The following TNFSF10 variants were observed in gnomAD, a reference collection of about 807,000 sequenced individuals.
TNFSF10 encodes tumor necrosis factor ligand superfamily member 10.
A neutral mutation model predicts 29.5 loss-of-function variants in TNFSF10; 13 were observed. That is an observed-to-expected ratio of 0.44 (90% CI 0.29 to 0.70). The LOEUF (loss-of-function observed/expected upper bound fraction) is 0.70. Among genes scored for constraint, TNFSF10 ranks in the 30% least tolerant of loss-of-function variants. The pLI is 0.13. For synonymous variants in TNFSF10, 111 were observed against 112.8 expected (o/e 0.98, Z 0.10); for missense variants, 345 against 330.9 (o/e 1.04, Z -0.33).
chr3:172,515,487 A>G (rs890817507), intron 1 of TNFSF10, among the ~76,000 whole-genome samples: 1 of 152,196 alleles, frequency 6.6e-6, no homozygotes, highest in African/African-American at 2.4e-5. Context: ...GGAGGGGGTC[A>G]TGTTCTGTTT....
chr3:172,505,512 A>G lies in TNFSF10; in HGVS notation c.*980T>C, dbSNP rs1712940711. The G allele has an allele frequency of 6.6e-6, 1 of 152,090 alleles. No homozygotes were observed. Among genetic ancestry groups the G allele is most frequent in the South Asian group, 2.1e-4 (1 of 4,830 alleles). 9.4% of individuals were successfully genotyped at this position (152,090 alleles called of 1,614,324 possible). ...TAAAAGAACTGATACATTTGATCAT[A>G]TTAAATTAAAAGTAAGAAATTTATT... On this transcript the variant is annotated 3_prime_UTR_variant, in exon 5 of 5. Transcript: ENST00000241261.
chr3:172,518,014 A>G lies in TNFSF10; in HGVS notation c.133-3016T>C, dbSNP rs976934920. The G allele has an allele frequency of 2.2e-5, 22 of 987,534 alleles. No individual in the cohort carries two copies. In the African/African-American group the frequency reaches 3.8e-4, roughly 17 times the overall value. 61.2% of individuals were successfully genotyped at this position (987,534 alleles called of 1,614,324 possible). The stretch of plus-strand genomic sequence containing the variant: ...TTGGCCAATGCTGGTGACTAGACAC[A>G]TGGCGGGTTGACGTGAGGTGCTGTG... On this transcript the variant is annotated intron_variant, in intron 1 of 4. Coordinates refer to ENST00000241261, the MANE Select transcript of TNFSF10 (RefSeq NM_003810.4).
At chr3:172,514,528 C>T (rs1054017124) in intron 2 of TNFSF10, among the ~76,000 whole-genome samples, 6 of 152,150 alleles carry the variant, frequency 3.9e-5, no homozygotes, top group African/African-American at 7.2e-5. Context: ...CAATGCCACA[C>T]ATTCTTTATG....
At chr3:172,516,977 G>A (rs996910676) in intron 1 of TNFSF10, among the ~76,000 whole-genome samples, 1 of 152,236 alleles carries the variant, frequency 6.6e-6, no homozygotes, top group Non-Finnish European at 1.5e-5. Flanking sequence ...GTTGGCTCTG[G>A]CCAAGCTTCG....
chr3:172,518,668 T>A (rs1239881068), intron 1 of TNFSF10, among the ~76,000 whole-genome samples: 1 of 152,234 alleles, frequency 6.6e-6, no homozygotes, highest in Non-Finnish European at 1.5e-5. Flanking sequence ...TCCAATCCAA[T>A]GTTATGAAGC....
At position 172,506,556 on chromosome 3, in the gene TNFSF10, G is replaced by A. The variant is rs1712991530; in HGVS notation, c.782C>T (p.Thr261Ile). Reference protein sequence around the residue: ...KENDRIFVSVTNEHLIDMDHE... With the variant: ...KENDRIFVSVINEHLIDMDHE... ...GTCCATGTCTATCAAGTGCTCATTT[G>A]TTACAGAAACAAAAATTCTGTCATT... Residue 261 changes from threonine (T) to isoleucine (I), a missense_variant, in exon 5 of 5, where the codon ACA becomes ATA. Transcript: ENST00000241261. 1.2e-6 allele frequency: 2 copies of A among 1,614,058 alleles called. No individual in the cohort carries two copies. The highest frequency in any genetic ancestry group is 2.2e-5 in the East Asian group (1 of 44,872).
In TNFSF10 at chr3:172,509,212, C is replaced by G. The variant is rs1408097865; in HGVS notation, c.418+5G>C. ...CTTAAGTCACTTATTTGTTGTTTCT[C>G]TTACTTGGAGAAGACAATGTGTTGC... On this transcript the variant is annotated splice_donor_5th_base_variant and intron_variant, in intron 4 of 4. Coordinates refer to ENST00000241261, the MANE Select transcript of TNFSF10 (RefSeq NM_003810.4). 1.9e-6 allele frequency: 3 copies of G among 1,610,252 alleles called. No individual in the cohort carries two copies. The highest frequency in any genetic ancestry group is 2.5e-6 in the Non-Finnish European group (3 of 1,177,918).
rs1473428221 is a variant in TNFSF10 at position 172,523,364 on chromosome 3, C to G, written c.21G>C (p.Gln7His). The change falls in exon 1 of 5, where the codon CAG becomes CAC. Residue 7 changes from glutamine (Q) to histidine (H), a missense_variant. By Grantham distance (24) the Gln-to-His change is conservative. Transcript: ENST00000241261. Reference sequence around the variant, plus strand: ...AGGTCTGTCCCAGGCTGGGTCCCCCCTGGACCTCCATCATAGCCATGATCC... The same window carrying G: ...AGGTCTGTCCCAGGCTGGGTCCCCCGTGGACCTCCATCATAGCCATGATCC... MAMMEV[Q>H]GGPSLGQTCV... The G allele has an allele frequency of 3.7e-6, 6 of 1,613,828 alleles. No homozygotes were observed. Among genetic ancestry groups the G allele is most frequent in the African/African-American group, 1.3e-5 (1 of 74,930 alleles).
At chr3:172,518,070 C>T (rs1036942550) in intron 1 of TNFSF10, 12 of 1,003,684 alleles carry the variant, frequency 1.2e-5, no homozygotes, top group South Asian at 4.1e-5. Context: ...TAATACGATA[C>T]GTCTCCCCCG....
intron 2 of TNFSF10, among the ~76,000 whole-genome samples, chr3:172,513,372 C>T (rs555506263): frequency 6.6e-6 from 1 of 152,338 alleles, no homozygotes; most frequent in Admixed American, 6.5e-5. Context: ...CCAGCCCAGG[C>T]TTTTCCTAGT....
chr3:172,509,083 T>G, intron 4 of TNFSF10, 134 bp downstream of exon 4: 13 of 593,356 alleles, frequency 2.2e-5, no homozygotes, highest in Non-Finnish European at 3.3e-5. Flanking sequence ...ACAGTCAATC[T>G]GAGATCTGAT....
In TNFSF10 at chr3:172,523,364, C is replaced by T; in HGVS notation, c.21G>A (p.Gln7=). Residue 7 remains glutamine, a synonymous_variant, in exon 1 of 5, where the codon CAG becomes CAA. Transcript: ENST00000241261. ...AGGTCTGTCCCAGGCTGGGTCCCCCCTGGACCTCCATCATAGCCATGATCC... is the reference window on the plus strand; with the variant it reads ...AGGTCTGTCCCAGGCTGGGTCCCCCTTGGACCTCCATCATAGCCATGATCC... MAMMEV[Q]GGPSLGQTCV... The T allele has an allele frequency of 6.2e-7, 1 of 1,613,946 alleles. No individual in the cohort carries two copies.
chr3:172,506,713 A>G lies in TNFSF10; in HGVS notation c.625T>C (p.Tyr209His), dbSNP rs771983944. The change falls in exon 5 of 5, where the codon TAT becomes CAT. Residue 209 changes from tyrosine (Y) to histidine (H), a missense_variant. Physicochemically the swap from Tyr to His is moderately conservative, Grantham distance 83. Transcript: ENST00000241261. ...GGATAACTTGTGTATTTGTAAATAT[A>G]TTGGACCATTTGTTTGTCGTTCTTT... ...NTKNDKQMVQ[Y>H]IYKYTSYPDP... 3.1e-6 allele frequency: 5 copies of G among 1,614,200 alleles called. No individual in the cohort carries two copies. Among genetic ancestry groups the G allele is most frequent in the Non-Finnish European group, 4.2e-6 (5 of 1,180,022 alleles).
intron 1 of TNFSF10, 78 bp from the exon 2 acceptor site, chr3:172,515,076 G>A: frequency 6.3e-7 from 1 of 1,584,664 alleles, no homozygotes; most frequent in Non-Finnish European, 8.6e-7. Flanking sequence ...TAAGACAACA[G>A]AAACTGATAG....
intron 1 of TNFSF10, among the ~76,000 whole-genome samples, chr3:172,519,956 G>A (rs763766730): frequency 9.2e-5 from 14 of 152,208 alleles, no homozygotes; most frequent in Non-Finnish European, 1.9e-4. Context: ...CCACTGTGGA[G>A]GGAAGAGCCT....
At chr3:172,518,255 A>G (rs1713523631) in intron 1 of TNFSF10, 3 of 1,149,362 alleles carry the variant, frequency 2.6e-6, no homozygotes, top group African/African-American at 1.6e-5. Flanking sequence ...CCTGTTCTTC[A>G]GCTCCAGAAG....
chr3:172,509,451 A>T (rs548840254), intron 3 of TNFSF10, 130 bp from the exon 4 acceptor site: 2 of 586,810 alleles, frequency 3.4e-6, no homozygotes, highest in African/African-American at 3.8e-5. Context: ...ATGAGTTTTC[A>T]TAAAAATAAC....
At chr3:172,515,576 G>C (rs966967381) in intron 1 of TNFSF10, among the ~76,000 whole-genome samples, 1 of 152,168 alleles carries the variant, frequency 6.6e-6, no homozygotes, top group Non-Finnish European at 1.5e-5. Context: ...GGACCATGTT[G>C]CCACTAGAAA....
At chr3:172,522,240 C>T (rs1713731212) in intron 1 of TNFSF10, 8 of 544,526 alleles carry the variant, frequency 1.5e-5, no homozygotes, top group Admixed American at 3.0e-5. Flanking sequence ...AATCTGTTTG[C>T]CAGAATTCAC....
Sources: allele counts gnomAD v4.1 joint callset (sites outside exome capture counted in the v4.1 genomes callset), GRCh38; gene constraint gnomAD v4.1.1; transcripts MANE v1.5; gene names NCBI Gene and HGNC (gene_info 2026-07-23, HGNC 2026-07-21).